Variants in ZNF99 observed in about 807,000 individuals in gnomAD.
The protein encoded by ZNF99 is zinc finger protein ENSP00000375192.
In ZNF99, 8 loss-of-function variants were observed where a neutral mutation model predicts 12.8. The observed-to-expected ratio is 0.62, with a 90% CI of 0.37 to 1.13. The LOEUF (loss-of-function observed/expected upper bound fraction) is 1.13. Among genes scored for constraint, ZNF99 ranks in the 50% most tolerant of loss-of-function variants. ZNF99 has a pLI of 0.02. For synonymous variants in ZNF99, 318 were observed against 319.0 expected (o/e 1.00, Z 0.03); for missense variants, 1,007 against 1,006.2 (o/e 1.00, Z -0.01).
At chr19:22,782,344 C>G (rs1051656235) in intron 1 of ZNF99, among the ~76,000 whole-genome samples, 2 of 149,642 alleles carry the variant, frequency 1.3e-5, no homozygotes, top group Admixed American at 1.3e-4. Flanking sequence ...GCTCTAGTGC[C>G]TGATATCTAC....
rs143282957 is a variant in ZNF99, at chr19:22,762,332, A to G, written c.227-2650T>C. On this transcript the variant is annotated intron_variant, in intron 3 of 3. Coordinates refer to ENST00000596209, the MANE Select transcript of ZNF99 (RefSeq NM_001080409.3). ...TTACAACTGACAACACAGAAATACAAAAGATCATTCAAGGCTACTATGAAC... is the reference window on the plus strand; with the variant it reads ...TTACAACTGACAACACAGAAATACAGAAGATCATTCAAGGCTACTATGAAC... Among the ~76,000 whole-genome samples, 664 of 152,332 alleles carry G rather than the reference A, an allele frequency of 4.4e-3. 8 individuals are homozygous for G. The highest frequency in any genetic ancestry group is 0.015 in the African/African-American group (634 of 41,574).
At chr19:22,780,637 G>A (rs1194249446) in intron 1 of ZNF99, among the ~76,000 whole-genome samples, 1 of 150,100 alleles carries the variant, frequency 6.7e-6, no homozygotes, top group Non-Finnish European at 1.5e-5. Flanking sequence ...GTTACAGTCA[G>A]CCAAGATCGT....
chr19:22,777,977 C>T (rs992656926), intron 1 of ZNF99, among the ~76,000 whole-genome samples: 7 of 126,566 alleles, frequency 5.5e-5, no homozygotes, highest in Non-Finnish European at 1.1e-4. Context: ...AACACTTGGA[C>T]ACAGGGTGGG....
At chr19:22,778,176 G>A (rs992687849) in intron 1 of ZNF99, among the ~76,000 whole-genome samples, 7 of 151,712 alleles carry the variant, frequency 4.6e-5, no homozygotes, top group Non-Finnish European at 8.8e-5. Context: ...AAAGAAAAAG[G>A]CGGTCTGTTA....
intron 1 of ZNF99, among the ~76,000 whole-genome samples, chr19:22,782,109 C>A (rs1973394135): frequency 6.6e-6 from 1 of 152,104 alleles, no homozygotes; most frequent in Admixed American, 6.5e-5. Flanking sequence ...TCAAAATGTA[C>A]ACTAAGGACA....
intron 1 of ZNF99, among the ~76,000 whole-genome samples, chr19:22,775,256 C>T (rs1363405467): frequency 6.6e-6 from 1 of 152,104 alleles, no homozygotes; most frequent in Admixed American, 6.5e-5. Context: ...AGAAATAATG[C>T]CACAGACCTA....
intron 2 of ZNF99, 60 bp downstream of exon 2, chr19:22,769,138 G>C: frequency 5.9e-6 from 9 of 1,535,158 alleles, no homozygotes; most frequent in Non-Finnish European, 7.0e-6. Context: ...ACATCCTACA[G>C]AAAAGAGAAA....
intron 1 of ZNF99, among the ~76,000 whole-genome samples, chr19:22,773,072 G>C (rs901730655): frequency 5.9e-5 from 9 of 152,164 alleles, no homozygotes; most frequent in African/African-American, 2.2e-4. Context: ...GTAGAATTCT[G>C]ATCTAGCCTC....
chr19:22,761,822 A>T (rs1465470697), intron 3 of ZNF99, among the ~76,000 whole-genome samples: 1 of 152,208 alleles, frequency 6.6e-6, no homozygotes, highest in Non-Finnish European at 1.5e-5. Flanking sequence ...AGTGGAATTC[A>T]ACTACAAAAG....
Position 22,755,786 on chromosome 19 carries a change from A to G in ZNF99, c.*1528T>C. On this transcript the variant is annotated 3_prime_UTR_variant, in exon 4 of 4. Coordinates refer to ENST00000596209, the MANE Select transcript of ZNF99 (RefSeq NM_001080409.3). ...GCTTTGCCACATTCCTCACATTTGAAGGGTTTATCTTCAGTATGAATTATC... is the reference window on the plus strand; with the variant it reads ...GCTTTGCCACATTCCTCACATTTGAGGGGTTTATCTTCAGTATGAATTATC... The G allele has an allele frequency of 3.1e-6, 1 of 326,928 alleles. No individual in the cohort carries two copies. Among genetic ancestry groups the G allele is most frequent in the Non-Finnish European group, 6.2e-6 (1 of 162,424 alleles). The allele number at this position is 326,928 out of a possible 1,614,324, so 20.3% of individuals were successfully genotyped here. A position where few individuals can be genotyped will look rare whatever the true frequency, so the allele number is the denominator to read the frequency against.
chr19:22,769,494 G>GT (rs1973242068), intron 1 of ZNF99, among the ~76,000 whole-genome samples, 170 bp from the exon 2 acceptor site: 1 of 151,972 alleles, frequency 6.6e-6, no homozygotes, highest in African/African-American at 2.4e-5. Context: ...TCGGCTGGGC[G>GT]CAGTGGCTCA....
intron 1 of ZNF99, among the ~76,000 whole-genome samples, chr19:22,774,856 C>T (rs1196148021): frequency 2.0e-5 from 3 of 151,346 alleles, no homozygotes; most frequent in Non-Finnish European, 4.4e-5. Flanking sequence ...GGCGACAGAG[C>T]GAGGATCTGA....
In ZNF99 at chr19:22,768,370, G is replaced by T. The variant is rs773365626; in HGVS notation, c.161C>A (p.Thr54Asn). 1.2e-6 allele frequency: 2 copies of T among 1,613,734 alleles called. No individual in the cohort carries two copies. Residue 54 changes from threonine (T) to asparagine (N), a missense_variant, in exon 3 of 4, where the codon ACT becomes AAT. Physicochemically the swap from Thr to Asn is moderately conservative, Grantham distance 65. Coordinates refer to ENST00000596209, the MANE Select transcript of ZNF99 (RefSeq NM_001080409.3). Reference protein sequence around the residue: ...GIAVSKLDLITCLKQGKEPWN... With the variant: ...GIAVSKLDLINCLKQGKEPWN... ...AGGCTCTTTCCCTTGCTTCAGACAA[G>T]TTATCAAGTCTAGCTTAGAGACAGC...
chr19:22,769,705 G>C (rs899551046), intron 1 of ZNF99, among the ~76,000 whole-genome samples: 6 of 151,372 alleles, frequency 4.0e-5, no homozygotes, highest in African/African-American at 1.5e-4. Context: ...GGCAGAGCTT[G>C]CAGTGAGCTG....
Position 22,769,225 on chromosome 19 carries a change from CTAACA to C in ZNF99, c.98_102del (p.Met33ArgfsTer15), listed in dbSNP as rs746687317. The C allele has an allele frequency of 2.5e-6, 4 of 1,608,780 alleles. No individual in the cohort carries two copies. In the African/African-American group the frequency reaches 5.3e-5, roughly 22 times the overall value. The stretch of plus-strand genomic sequence containing the variant: ...AGGAAGACCAGGTTTCTGTAGTTCT[CTAACA>C]TAACATTCCTATATAAATTCTGCTG... On this transcript the variant is annotated frameshift_variant, in exon 2 of 4. Coordinates refer to ENST00000596209, the MANE Select transcript of ZNF99 (RefSeq NM_001080409.3). LOFTEE classifies it high-confidence loss of function.
chr19:22,758,593 G>A lies in ZNF99; in HGVS notation c.1316C>T (p.Ala439Val), dbSNP rs530998365. The A allele has an allele frequency of 1.2e-6, 2 of 1,612,474 alleles. No individual in the cohort carries two copies. Among genetic ancestry groups the A allele is most frequent in the African/African-American group, 1.3e-5 (1 of 74,552 alleles). Residue 439 changes from alanine to valine, a missense_variant, in exon 4 of 4, where the codon GCC becomes GTC. By Grantham distance (64) the Ala-to-Val change is moderately conservative. Transcript: ENST00000596209. ...ATGAATTATCTTATGTTTTCTAAGG[G>A]CTGAGAAACGCTTAAAAGCTTTGCC... ...ECGKAFKRFS[A>V]LRKHKIIHTG...
intron 1 of ZNF99, among the ~76,000 whole-genome samples, chr19:22,772,229 C>G (rs1056634402): frequency 6.6e-6 from 1 of 152,076 alleles, no homozygotes; most frequent in African/African-American, 2.4e-5. Flanking sequence ...ACAAAGTTGT[C>G]TGTCAGAAAT....
chr19:22,768,859 G>A (rs112018082), intron 2 of ZNF99, among the ~76,000 whole-genome samples: 15 of 151,944 alleles, frequency 9.9e-5, no homozygotes, highest in African/African-American at 2.2e-4. Flanking sequence ...GAGAAACCCC[G>A]TCTCTGCTAA....
intron 3 of ZNF99, among the ~76,000 whole-genome samples, chr19:22,764,840 A>G (rs1262149979): frequency 6.6e-6 from 1 of 152,168 alleles, no homozygotes; most frequent in African/African-American, 2.4e-5. Context: ...AAAAAAACAG[A>G]TGTTGGTGTG....
Sources: allele counts gnomAD v4.1 joint callset (sites outside exome capture counted in the v4.1 genomes callset), GRCh38; gene constraint gnomAD v4.1.1; transcripts MANE v1.5; gene names NCBI Gene and HGNC (gene_info 2026-07-23, HGNC 2026-07-21).